Variants in CCR10 observed in about 807,000 individuals in gnomAD.
The protein encoded by CCR10 is C-C chemokine receptor type 10.
In CCR10, 11 loss-of-function variants were observed where a neutral mutation model predicts 11.9. The ratio of observed to expected loss-of-function variants is 0.92; its 90% CI spans 0.58 to 1.53. CCR10 has a LOEUF of 1.53. CCR10 is among the 40% of genes most tolerant of loss of function. The pLI, the probability that CCR10 is intolerant of heterozygous loss-of-function variation, is 0.00. For missense variants in CCR10, 428 were observed against 496.6 expected, an observed-to-expected ratio of 0.86 and a Z score of 1.31; for synonymous variants, 224 against 245.4, an observed-to-expected ratio of 0.91 and a Z score of 0.81.
At position 42,679,702 on chromosome 17, in the gene CCR10, C is replaced by T; in HGVS notation, c.940G>A (p.Gly314Ser). The T allele has an allele frequency of 1.3e-6, 2 of 1,543,804 alleles. No homozygotes were observed. Among genetic ancestry groups the T allele is most frequent in the Non-Finnish European group, 1.7e-6 (2 of 1,145,730 alleles). The change falls in exon 2 of 2, where the codon GGC (glycine) becomes AGC (serine). Residue 314 changes from glycine (G) to serine (S), a missense_variant. Transcript: ENST00000332438. ...GLNPVLYAFL[G>S]LRFRQDLRRL... ...CGCAGGTCCTGGCGGAAGCGCAGGC[C>T]CAGGAAGGCGTAGAGAACGGGATTG...
At chr17:42,681,526 G>T in intron 1 of CCR10, 1 of 558,640 alleles carries the variant, frequency 1.8e-6, no homozygotes, top group Non-Finnish European at 3.2e-6. Flanking sequence ...TGCCAAGGGG[G>T]TCTCCAGGGT....
intron 1 of CCR10, among the ~76,000 whole-genome samples, chr17:42,680,906 C>T (rs1316401341): frequency 6.6e-6 from 1 of 152,158 alleles, no homozygotes; most frequent in Non-Finnish European, 1.5e-5. Context: ...TAAATCCTGA[C>T]CAGCCCACCT....
chr17:42,681,108 C>T lies in CCR10; in HGVS notation c.25-491G>A, dbSNP rs577059133. ...CTCGGCTCACTGCAACCTCCGCCTC[C>T]GGGTTCAAGAGATTCTCCTGCCTCA... On this transcript the variant is annotated intron_variant, in intron 1 of 1. Coordinates refer to ENST00000332438, the MANE Select transcript of CCR10 (RefSeq NM_016602.3). Among the ~76,000 whole-genome samples the T allele has an allele frequency of 1.3e-3, 192 of 152,182 alleles. 5 individuals carry two copies. The South Asian group carries it at 0.039, about 31-fold the overall frequency.
At chr17:42,680,746 G>A (rs1327143663) in intron 1 of CCR10, 129 bp from the exon 2 acceptor site, 3 of 659,118 alleles carry the variant, frequency 4.6e-6, no homozygotes, top group African/African-American at 3.7e-5. Flanking sequence ...GGAGACATAA[G>A]CTCTTCTCCA....
rs2052901470 is a variant in CCR10, at chr17:42,679,496, C to T, written c.*57G>A. 8.0e-6 allele frequency: 10 copies of T among 1,257,112 alleles called. No homozygotes were observed. The South Asian group carries it at 1.8e-4, about 22-fold the overall frequency. The allele number at this position is 1,257,112 out of a possible 1,614,324, so 77.9% of individuals were successfully genotyped here. A position where few individuals can be genotyped will look rare whatever the true frequency, so the allele number is the denominator to read the frequency against. On this transcript the variant is annotated 3_prime_UTR_variant, in exon 2 of 2. Coordinates refer to ENST00000332438, the MANE Select transcript of CCR10 (RefSeq NM_016602.3). ...TCCCTGCCTCTTTCTCAGTGTTCCC[C>T]CACCTACTCCCCTTTCCCACGACCC...
rs1345250696 is a variant in CCR10 at position 42,680,115 on chromosome 17, G to T, written c.527C>A (p.Ala176Glu). The T allele has an allele frequency of 6.2e-7, 1 of 1,611,828 alleles. No homozygotes were observed. Among genetic ancestry groups the T allele is most frequent in the Non-Finnish European group, 8.5e-7 (1 of 1,179,724 alleles). The change falls in exon 2 of 2, where the codon GCG (alanine) becomes GAG (glutamate). Residue 176 changes from alanine (A) to glutamate (E), a missense_variant. Ala to Glu is a moderately radical substitution (Grantham distance 107). Transcript: ENST00000332438. Reference protein sequence around the residue: ...WLLSLLLALPALLFSQDGQRE... With the variant: ...WLLSLLLALPELLFSQDGQRE... ...CTGCCCATCCTGGCTGAAGAGCAGC[G>T]CAGGCAGCGCCAGGAGCAGTGACAG...
chr17:42,679,909 C>T lies in CCR10; in HGVS notation c.733G>A (p.Ala245Thr), dbSNP rs769070530. The change falls in exon 2 of 2, where the codon GCG becomes ACG. Residue 245 changes from alanine to threonine, a missense_variant. Coordinates refer to ENST00000332438, the MANE Select transcript of CCR10 (RefSeq NM_016602.3). The part of the protein sequence containing the change: ...LAARGPERRR[A>T]LRVVVALVAA... ...ACCAGAGCCACCACGACGCGCAGCG[C>T]ACGCCGGCGCTCGGGCCCCCTGGCG... 1.2e-5 allele frequency: 19 copies of T among 1,563,034 alleles called. 1 individual carries two copies. Among genetic ancestry groups the T allele is most frequent in the Non-Finnish European group, 1.6e-5 (19 of 1,160,456 alleles).
Position 42,680,084 on chromosome 17 carries a change from T to C in CCR10, c.558A>G (p.Glu186=), listed in dbSNP as rs941058472. The change falls in exon 2 of 2, where the codon GAA becomes GAG. Residue 186 remains glutamate, a synonymous_variant. Transcript: ENST00000332438. ...AGATGAGGCGACAGCGTCGTTGGCCTTCCCGCTGCCCATCCTGGCTGAAGA... is the reference window on the plus strand; with the variant it reads ...AGATGAGGCGACAGCGTCGTTGGCCCTCCCGCTGCCCATCCTGGCTGAAGA... The part of the protein sequence containing the change: ...ALLFSQDGQR[E]GQRRCRLIFP... The C allele has an allele frequency of 1.4e-5, 23 of 1,609,238 alleles. No individual in the cohort carries two copies. Among genetic ancestry groups the C allele is most frequent in the Non-Finnish European group, 2.0e-5 (23 of 1,179,162 alleles).
rs1567966633 is a variant in CCR10, at chr17:42,679,617, C to A, written c.1025G>T (p.Arg342Leu). The A allele has an allele frequency of 1.3e-6, 2 of 1,481,538 alleles. No individual in the cohort carries two copies. Among genetic ancestry groups the A allele is most frequent in the Admixed American group, 2.5e-5 (1 of 39,694 alleles). The allele number at this position is 1,481,538 out of a possible 1,614,324, so 91.8% of individuals were successfully genotyped here. ...SGPQPRRGCP[R>L]RPRLSSCSAP... ...TGAGCAGGAAGAAAGGCGGGGCCGG[C>A]GGGGGCAGCCGCGGCGGGGTTGAGG... The change falls in exon 2 of 2, where the codon CGC becomes CTC. Residue 342 changes from arginine (R) to leucine (L), a missense_variant. Coordinates refer to ENST00000332438, the MANE Select transcript of CCR10 (RefSeq NM_016602.3).
In CCR10 at chr17:42,679,937, C is replaced by A; in HGVS notation, c.705G>T (p.Leu235=). The part of the protein sequence containing the change: ...ACYALLGRTL[L]AARGPERRRA... ...GCCGGCGCTCGGGCCCCCTGGCGGC[C>A]AGCAGCGTGCGGCCCAGAAGCGCGT... The change falls in exon 2 of 2, where the codon CTG becomes CTT. Residue 235 remains leucine (L), a synonymous_variant. Transcript: ENST00000332438. The A allele has an allele frequency of 6.4e-7, 1 of 1,554,682 alleles. No homozygotes were observed. The highest frequency in any genetic ancestry group is 8.7e-7 in the Non-Finnish European group (1 of 1,155,624).
Position 42,679,885 on chromosome 17 carries a change from C to G in CCR10, c.757G>C (p.Val253Leu). 6.3e-7 allele frequency: 1 copy of G among 1,585,386 alleles called. No homozygotes were observed. The highest frequency in any genetic ancestry group is 8.5e-7 in the Non-Finnish European group (1 of 1,171,316). Residue 253 changes from valine to leucine, a missense_variant, in exon 2 of 2, where the codon GTG (valine) becomes CTG (leucine). By Grantham distance (32) the Val-to-Leu change is conservative (BLOSUM62 1). Coordinates refer to ENST00000332438, the MANE Select transcript of CCR10 (RefSeq NM_016602.3). ...AGCTGCAGCACCACGAAGGCCGCCA[C>G]CAGAGCCACCACGACGCGCAGCGCA... ...RRALRVVVAL[V>L]AAFVVLQLPY...
At position 42,680,036 on chromosome 17, in the gene CCR10, C is replaced by T. The variant is rs772110876; in HGVS notation, c.606G>A (p.Thr202=). ...GCGCCACGGCGCTCGCCCCCTTCAC[C>T]GTCTGCGTGAGGCCCTCGGGGAAGA... ...RLIFPEGLTQ[T]VKGASAVAQV... The change falls in exon 2 of 2, where the codon ACG becomes ACA. Residue 202 remains threonine (T), a synonymous_variant. Transcript: ENST00000332438. 1.9e-6 allele frequency: 3 copies of T among 1,592,282 alleles called. No individual in the cohort carries two copies. Among genetic ancestry groups the T allele is most frequent in the African/African-American group, 2.7e-5 (2 of 74,806 alleles).
Position 42,680,090 on chromosome 17 carries a change from C to A in CCR10, c.552G>T (p.Gln184His). 2 of 1,610,076 alleles carry A rather than the reference C, an allele frequency of 1.2e-6. No individual in the cohort carries two copies. The highest frequency in any genetic ancestry group is 1.7e-6 in the Non-Finnish European group (2 of 1,179,320). ...GGCGACAGCGTCGTTGGCCTTCCCG[C>A]TGCCCATCCTGGCTGAAGAGCAGCG... ...LPALLFSQDG[Q>H]REGQRRCRLI... The change falls in exon 2 of 2, where the codon CAG (glutamine) becomes CAT (histidine). Residue 184 changes from glutamine to histidine, a missense_variant. Gln to His is a conservative substitution (Grantham distance 24). Transcript: ENST00000332438.
chr17:42,679,616 G>A lies in CCR10; in HGVS notation c.1026C>T (p.Arg342=), dbSNP rs751380970. The part of the protein sequence containing the change: ...SGPQPRRGCP[R]RPRLSSCSAP... ...CTGAGCAGGAAGAAAGGCGGGGCCG[G>A]CGGGGGCAGCCGCGGCGGGGTTGAG... Residue 342 remains arginine (R), a synonymous_variant, in exon 2 of 2, where the codon CGC becomes CGT. Coordinates refer to ENST00000332438, the MANE Select transcript of CCR10 (RefSeq NM_016602.3). 3 of 1,482,808 alleles carry A rather than the reference G, an allele frequency of 2.0e-6. No homozygotes were observed. The highest frequency in any genetic ancestry group is 2.7e-6 in the Non-Finnish European group (3 of 1,121,632). 91.9% of individuals were successfully genotyped at this position (1,482,808 alleles called of 1,614,324 possible).
chr17:42,681,504 C>T, intron 1 of CCR10: 1 of 527,376 alleles, frequency 1.9e-6, no homozygotes, highest in Non-Finnish European at 3.4e-6. Context: ...TACCAGCACA[C>T]TGAACCACTC....
In CCR10 at chr17:42,680,283, T is replaced by G; in HGVS notation, c.359A>C (p.Tyr120Ser). ...GAAGCCGGCGTGGAAGGAGGCCGAG[T>G]AGAGGCCAGAGATGGTGCGGCAGGT... is the stretch of plus-strand genomic sequence containing the variant. ...SATCRTISGL[Y>S]SASFHAGFLF... The change falls in exon 2 of 2, where the codon TAC becomes TCC. Residue 120 changes from tyrosine (Y) to serine (S), a missense_variant. Physicochemically the swap from Tyr to Ser is moderately radical, Grantham distance 144. Coordinates refer to ENST00000332438, the MANE Select transcript of CCR10 (RefSeq NM_016602.3). 6.4e-7 allele frequency: 1 copy of G among 1,563,140 alleles called. No individual in the cohort carries two copies. The highest frequency in any genetic ancestry group is 8.7e-7 in the Non-Finnish European group (1 of 1,154,110).
rs1333352600 is a variant in CCR10 at position 42,679,681 on chromosome 17, G to A, written c.961C>T (p.Leu321=). The change falls in exon 2 of 2, where the codon CTG becomes TTG. Residue 321 remains leucine (L), a synonymous_variant. Coordinates refer to ENST00000332438, the MANE Select transcript of CCR10 (RefSeq NM_016602.3). ...AFLGLRFRQD[L]RRLLRGGSCP... The stretch of plus-strand genomic sequence containing the variant: ...CTCCCACCCCGTAGCAGCCTCCGCA[G>A]GTCCTGGCGGAAGCGCAGGCCCAGG... The A allele has an allele frequency of 6.6e-7, 1 of 1,525,172 alleles. No homozygotes were observed. Among genetic ancestry groups the A allele is most frequent in the Non-Finnish European group, 8.8e-7 (1 of 1,137,994 alleles). The allele number at this position is 1,525,172 out of a possible 1,614,324, so 94.5% of individuals were successfully genotyped here.
Position 42,679,212 on chromosome 17 carries a change from G to T in CCR10, c.*341C>A. 2 of 235,660 alleles carry T rather than the reference G, an allele frequency of 8.5e-6. No individual in the cohort carries two copies. The highest frequency in any genetic ancestry group is 5.7e-5 in the Admixed American group (1 of 17,558). The allele number at this position is 235,660 out of a possible 1,614,324, so 14.6% of individuals were successfully genotyped here. A position where few individuals can be genotyped will look rare whatever the true frequency, so the allele number is the denominator to read the frequency against. ...TGTTGGCTGAGGCCAGGTGACGGTG[G>T]AGGGGGTGTCAGTGGCTAGAGCTTT... is the stretch of plus-strand genomic sequence containing the variant. On this transcript the variant is annotated 3_prime_UTR_variant, in exon 2 of 2. Coordinates refer to ENST00000332438, the MANE Select transcript of CCR10 (RefSeq NM_016602.3).
intron 1 of CCR10, 137 bp from the exon 2 acceptor site, chr17:42,680,754 C>T (rs2052922231): frequency 3.2e-6 from 2 of 625,528 alleles, no homozygotes; most frequent in Admixed American, 3.1e-5. Flanking sequence ...AAGCTCTTCT[C>T]CAGACTCTTC....
Sources: allele counts gnomAD v4.1 joint callset (sites outside exome capture counted in the v4.1 genomes callset), GRCh38; gene constraint gnomAD v4.1.1; transcripts MANE v1.5; gene names NCBI Gene and HGNC (gene_info 2026-07-23, HGNC 2026-07-21).